Variants in TENT5D observed in about 807,000 individuals in gnomAD.
TENT5D encodes the protein cancer/testis antigen 112.
For synonymous variants in TENT5D, 103 were observed against 100.6 expected (o/e 1.02, Z -0.15); for missense variants, 191 against 287.0 (o/e 0.67, Z 2.42).
At chrX:80,349,359 A>G (rs1379453406) in intron 3 of TENT5D, among the ~76,000 whole-genome samples, 2 of 111,633 alleles carry the variant, frequency 1.8e-5, no homozygotes, top group African/African-American at 6.5e-5. Flanking sequence ...CTATTCAGGG[A>G]TTCGACTTCT....
chrX:80,406,435 G>A (rs1230274749), intron 3 of TENT5D, among the ~76,000 whole-genome samples: 11 of 108,101 alleles, frequency 1.0e-4, no homozygotes, highest in African/African-American at 2.0e-4. Context: ...ACCAAGACTC[G>A]AGAACTACGT....
intron 1 of TENT5D, among the ~76,000 whole-genome samples, chrX:80,424,038 C>G (rs1931938975): frequency 9.0e-6 from 1 of 110,841 alleles, no homozygotes; most frequent in South Asian, 3.8e-4. Context: ...TATTCTCCCC[C>G]TCAGGAGTGG....
chrX:80,386,114 A>G (rs191093064), intron 3 of TENT5D, among the ~76,000 whole-genome samples: 2 of 112,458 alleles, frequency 1.8e-5, no homozygotes, highest in Admixed American at 1.9e-4. Flanking sequence ...CTATAAAGAC[A>G]CATGCACACA....
At chrX:80,380,786 C>CT (rs1018118980) in intron 3 of TENT5D, among the ~76,000 whole-genome samples, 5 of 110,501 alleles carry the variant, frequency 4.5e-5, no homozygotes, top group Non-Finnish European at 7.6e-5. Context: ...GCAACCCCTG[C>CT]TTTTTTTTGC....
intron 3 of TENT5D, among the ~76,000 whole-genome samples, chrX:80,411,653 TTC>T (rs1170352349): frequency 1.8e-5 from 2 of 112,444 alleles, no homozygotes; most frequent in East Asian, 2.8e-4. Flanking sequence ...AAGAACACAT[TTC>T]TTTTTTTCAG....
upstream of TENT5D, among the ~76,000 whole-genome samples, chrX:80,415,580 C>G (rs1931754359): frequency 9.0e-6 from 1 of 111,362 alleles, no homozygotes; most frequent in Admixed American, 9.6e-5. Context: ...GTTTTTAGTT[C>G]TGTTTATGTG....
chrX:80,396,673 C>G (rs887669938), intron 3 of TENT5D, among the ~76,000 whole-genome samples: 1 of 106,815 alleles, frequency 9.4e-6, no homozygotes, highest in Non-Finnish European at 1.9e-5. Context: ...ATGTCTACCT[C>G]TTTCTACACA....
At chrX:80,431,652 T>A (rs1172082946) in intron 1 of TENT5D, among the ~76,000 whole-genome samples, 3 of 111,144 alleles carry the variant, frequency 2.7e-5, no homozygotes, top group Non-Finnish European at 5.7e-5. Context: ...GGCAAACTTG[T>A]GCAGGGAAAC....
intron 2 of TENT5D, among the ~76,000 whole-genome samples, chrX:80,340,482 G>A (rs1466310508): frequency 9.0e-6 from 1 of 111,378 alleles, no homozygotes; most frequent in Non-Finnish European, 1.9e-5. Context: ...CAAAGTCATG[G>A]TTGTTACTAC....
chrX:80,419,213 ATTATAT>A (rs993510098), upstream of TENT5D, among the ~76,000 whole-genome samples: 2 of 111,814 alleles, frequency 1.8e-5, no homozygotes, highest in African/African-American at 6.5e-5. Flanking sequence ...TATATTCAGT[ATTATAT>A]ATATCATGTA....
chrX:80,423,632 G>A (rs907546943), intron 1 of TENT5D, among the ~76,000 whole-genome samples: 5 of 110,207 alleles, frequency 4.5e-5, no homozygotes, highest in Admixed American at 9.7e-5. Flanking sequence ...CAAAGACCTT[G>A]GCCCTGGGAC....
upstream of TENT5D, among the ~76,000 whole-genome samples, chrX:80,417,457 T>C (rs1420717325): frequency 9.6e-6 from 1 of 104,039 alleles, no homozygotes; most frequent in Non-Finnish European, 1.9e-5. Context: ...TTTTTTTTTT[T>C]CCACTTTTAG....
At chrX:80,419,870 C>T (rs1048293786), upstream of TENT5D, among the ~76,000 whole-genome samples, 6 of 110,891 alleles carry the variant, frequency 5.4e-5, no homozygotes, top group East Asian at 1.4e-3. Flanking sequence ...ATCCCCACAC[C>T]GAGCTAATTT....
chrX:80,387,243 A>G (rs909049986), intron 3 of TENT5D, among the ~76,000 whole-genome samples: 1 of 112,124 alleles, frequency 8.9e-6, no homozygotes. Context: ...GATGCCTTAT[A>G]TACCTTTTGT....
chrX:80,407,541 G>C (rs1181472834), intron 3 of TENT5D, among the ~76,000 whole-genome samples: 1 of 107,980 alleles, frequency 9.3e-6, no homozygotes, highest in Non-Finnish European at 1.9e-5. Flanking sequence ...AATTCAACAA[G>C]AAGAGCTAAC....
intron 1 of TENT5D, among the ~76,000 whole-genome samples, chrX:80,434,764 G>C (rs1467409435): frequency 3.7e-5 from 4 of 107,347 alleles, no homozygotes; most frequent in African/African-American, 1.4e-4. Flanking sequence ...ACTCTCTTCT[G>C]AAACTTCGTT....
intron 3 of TENT5D, among the ~76,000 whole-genome samples, chrX:80,383,115 G>A (rs1017817184): frequency 1.8e-5 from 2 of 112,029 alleles, no homozygotes; most frequent in African/African-American, 6.5e-5. Flanking sequence ...GTTCCTATTC[G>A]GCCATCTTGG....
intron 3 of TENT5D, among the ~76,000 whole-genome samples, chrX:80,353,488 T>C (rs188147165): frequency 2.6e-4 from 29 of 111,529 alleles, no homozygotes; most frequent in Non-Finnish European, 4.9e-4. Context: ...TGTGTCTATG[T>C]GTACTCAATG....
chrX:80,399,448 T>C (rs1298613987), intron 3 of TENT5D, among the ~76,000 whole-genome samples: 1 of 112,090 alleles, frequency 8.9e-6, no homozygotes, highest in Non-Finnish European at 1.9e-5. Context: ...CTAGGCTTTC[T>C]TTTTTTCCCA....
Sources: gnomAD v4.1 joint callset for allele counts (sites outside exome capture counted in the v4.1 genomes callset) on GRCh38, gnomAD v4.1.1 for gene constraint, MANE v1.5 for transcripts, NCBI Gene and HGNC (gene_info 2026-07-23, HGNC 2026-07-21) for gene names.